Variants in CCDC30 observed in about 807,000 individuals in gnomAD.
The protein encoded by CCDC30 is coiled-coil domain-containing protein 30.
Under a neutral mutation model 100.2 loss-of-function variants are expected in CCDC30, and 70 were observed. That is an observed-to-expected ratio of 0.70 (90% CI 0.58 to 0.85). The LOEUF (loss-of-function observed/expected upper bound fraction) is 0.85, where lower values mean the gene tolerates loss of function less well. Ranked by LOEUF, CCDC30 falls within the 40% of genes least tolerant of loss-of-function variation. The pLI is 0.00. For synonymous variants in CCDC30, 233 were observed against 269.5 expected, an observed-to-expected ratio of 0.86 and a Z score of 1.33; for missense variants, 652 against 771.2, an observed-to-expected ratio of 0.85 and a Z score of 1.83.
intron 9 of CCDC30, among the ~76,000 whole-genome samples, chr1:42,584,853 T>G (rs1646037918): frequency 1.3e-5 from 2 of 152,318 alleles, no homozygotes; most frequent in South Asian, 4.1e-4. Context: ...GGTTTTCCTA[T>G]CATATAATAT....
At chr1:42,628,263 G>A (rs894741678) in intron 11 of CCDC30, among the ~76,000 whole-genome samples, 10 of 152,166 alleles carry the variant, frequency 6.6e-5, no homozygotes, top group African/African-American at 2.4e-4. Context: ...TTGGAATGCT[G>A]TAGTTACCCA....
intron 9 of CCDC30, among the ~76,000 whole-genome samples, chr1:42,584,045 T>C (rs1364531686): frequency 2.0e-5 from 3 of 152,194 alleles, no homozygotes. Context: ...GGCCTGGCTG[T>C]TGCGTCATGC....
Position 42,493,825 on chromosome 1 carries a change from A to G in CCDC30, c.242-3273A>G, listed in dbSNP as rs181483945. Among the ~76,000 whole-genome samples, 19 of 152,342 alleles carry G rather than the reference A, an allele frequency of 1.2e-4. No homozygotes were observed. In the East Asian group the frequency reaches 3.7e-3, roughly 29 times the overall value. On this transcript the variant is annotated intron_variant, in intron 4 of 16. Transcript: ENST00000668663. The stretch of plus-strand genomic sequence containing the variant: ...TGCCAGTAAATTGATGACCTGGATG[A>G]CGTGGACACATTCCTTAAAAGACAC...
chr1:42,638,807 C>A (rs1340807328), intron 12 of CCDC30, among the ~76,000 whole-genome samples: 1 of 151,758 alleles, frequency 6.6e-6, no homozygotes, highest in Admixed American at 6.6e-5. Context: ...ACCCAAGAGG[C>A]GGAGGTTGCA....
upstream of CCDC30, chr1:42,459,697 C>T: frequency 6.2e-7 from 1 of 1,614,190 alleles, no homozygotes; most frequent in Non-Finnish European, 8.5e-7. Flanking sequence ...GAGACTGACC[C>T]CGCCATTGTA....
intron 6 of CCDC30, among the ~76,000 whole-genome samples, chr1:42,502,151 C>A (rs2148480728): frequency 6.6e-6 from 1 of 152,304 alleles, no homozygotes; most frequent in African/African-American, 2.4e-5. Context: ...CAAGCCTCAG[C>A]AATGGTGGGC....
chr1:42,537,231 C>T, intron 6 of CCDC30: 1 of 456,158 alleles, frequency 2.2e-6, no homozygotes, highest in South Asian at 1.5e-5. Flanking sequence ...CTTGTCCTGC[C>T]ATCTTGGAAA....
chr1:42,614,772 G>C (rs1646693409), intron 11 of CCDC30, among the ~76,000 whole-genome samples: 1 of 149,106 alleles, frequency 6.7e-6, no homozygotes, highest in Non-Finnish European at 1.5e-5. Flanking sequence ...GAATGACAGA[G>C]TAAGACTCCA....
At chr1:42,501,680 A>AC (rs1192069094) in intron 6 of CCDC30, among the ~76,000 whole-genome samples, 1 of 152,000 alleles carries the variant, frequency 6.6e-6, no homozygotes, top group Non-Finnish European at 1.5e-5. Context: ...AACAGTCAGG[A>AC]CCCTCAGCTG....
chr1:42,536,381 G>A, intron 6 of CCDC30, 95 bp from the exon 7 acceptor site: 1 of 743,886 alleles, frequency 1.3e-6, no homozygotes, highest in Non-Finnish European at 2.1e-6. Context: ...TCCCCTGGAT[G>A]ATTTCATTAT....
At chr1:42,627,809 A>G (rs1230421264) in intron 11 of CCDC30, among the ~76,000 whole-genome samples, 2 of 152,226 alleles carry the variant, frequency 1.3e-5, no homozygotes, top group African/African-American at 4.8e-5. Context: ...GATTTCAGAA[A>G]ATGTATGAAA....
intron 10 of CCDC30, among the ~76,000 whole-genome samples, chr1:42,598,087 G>A (rs974696881): frequency 3.3e-5 from 5 of 152,148 alleles, no homozygotes; most frequent in Non-Finnish European, 7.4e-5. Context: ...AGGATCGCTT[G>A]AGCCCAGGAG....
chr1:42,601,698 C>T (rs184767391), intron 10 of CCDC30, among the ~76,000 whole-genome samples: 38 of 152,252 alleles, frequency 2.5e-4, no homozygotes, highest in African/African-American at 9.1e-4. Context: ...TAAGCAAACA[C>T]ACCCTAGAAA....
At chr1:42,538,599 G>A (rs1031701002) in intron 6 of CCDC30, among the ~76,000 whole-genome samples, 8 of 151,976 alleles carry the variant, frequency 5.3e-5, no homozygotes, top group Non-Finnish European at 1.0e-4. Context: ...TAGCGAGACC[G>A]CATCAATATA....
intron 6 of CCDC30, among the ~76,000 whole-genome samples, chr1:42,564,471 C>T (rs1027414182): frequency 6.6e-6 from 1 of 150,506 alleles, no homozygotes; most frequent in East Asian, 2.0e-4. Context: ...CACCATCACA[C>T]CCAGCTAAGG....
At position 42,597,129 on chromosome 1, in the gene CCDC30, A is replaced by G. The variant is rs573907432; in HGVS notation, c.1164+7646A>G. ...AAAGCAAACAAAAAAATACTAAAAC[A>G]AAAACAACAGAATATCTAAGATCTG... On this transcript the variant is annotated intron_variant, in intron 10 of 16. Coordinates refer to ENST00000668663, the Ensembl canonical transcript of CCDC30. 2.0e-5 allele frequency among the ~76,000 whole-genome samples: 3 copies of G among 152,342 alleles called. No homozygotes were observed. The East Asian group carries it at 5.8e-4, about 29-fold the overall frequency.
chr1:42,536,580 G>A, intron 6 of CCDC30: 2 of 1,611,954 alleles, frequency 1.2e-6, no homozygotes, highest in Non-Finnish European at 1.7e-6. Context: ...CTGCAGAGAA[G>A]GCCTTGAAAG....
chr1:42,456,431 A>C, the CCDC30 span: 3 of 951,212 alleles, frequency 3.2e-6, no homozygotes, highest in South Asian at 1.8e-5. Flanking sequence ...AGACTTGGCG[A>C]GATCGGGACC....
At chr1:42,480,071 A>C (rs1569743545) in intron 1 of CCDC30, among the ~76,000 whole-genome samples, 2 of 152,292 alleles carry the variant, frequency 1.3e-5, no homozygotes, top group Admixed American at 1.3e-4. Context: ...GAAAGATGTC[A>C]AGGCAATATA....
Sources: allele counts gnomAD v4.1 joint callset (sites outside exome capture counted in the v4.1 genomes callset), GRCh38; gene constraint gnomAD v4.1.1; transcripts MANE v1.5; gene names NCBI Gene and HGNC (gene_info 2026-07-23, HGNC 2026-07-21).